Variants in THSD4 observed in about 807,000 individuals in gnomAD.
THSD4 encodes the protein thrombospondin type-1 domain-containing protein 4.
THSD4 carries 69 observed loss-of-function variants against 119.0 expected under a neutral mutation model. The ratio of observed to expected loss-of-function variants is 0.58; its 90% confidence interval spans 0.48 to 0.71. THSD4 has a LOEUF of 0.71. Ranked by LOEUF, THSD4 falls within the 30% of genes least tolerant of loss-of-function variation. The probability of loss-of-function intolerance (pLI) is 0.00; values close to 1 mark genes in which losing one functional copy is unlikely to be tolerated. For missense variants in THSD4, 1,393 were observed against 1,391.1 expected (o/e 1.00, Z -0.02); for synonymous variants, 524 against 540.4 (o/e 0.97, Z 0.42).
At chr15:71,331,030 C>T (rs1235682399) in intron 6 of THSD4, among the ~76,000 whole-genome samples, 5 of 152,144 alleles carry the variant, frequency 3.3e-5, no homozygotes, top group Admixed American at 6.5e-5. Context: ...GTAGACAGAG[C>T]GTTGAGCTCA....
chr15:71,745,209 C>G lies in THSD4; in HGVS notation c.2010C>G (p.Pro670=). The part of the protein sequence containing the change: ...SSMKPTPEEE[P]CNIFPCPAFW... The stretch of plus-strand genomic sequence containing the variant: ...TGAAGCCGACCCCCGAGGAGGAGCC[C>G]TGCAACATCTTCCCTTGCCCAGCCT... Residue 670 remains proline (P), a synonymous_variant, in exon 12 of 18, where the codon CCC becomes CCG. Transcript: ENST00000261862. 1 of 1,613,846 alleles carries G rather than the reference C, an allele frequency of 6.2e-7. No individual in the cohort carries two copies. Among genetic ancestry groups the G allele is most frequent in the Non-Finnish European group, 8.5e-7 (1 of 1,180,004 alleles).
At chr15:71,554,152 C>A (rs1472596778) in intron 7 of THSD4, among the ~76,000 whole-genome samples, 1 of 145,000 alleles carries the variant, frequency 6.9e-6, no homozygotes, top group African/African-American at 2.5e-5. Flanking sequence ...TGCAGTGGCA[C>A]GATCTCAGCT....
chr15:71,407,048 T>C (rs2046619095), intron 6 of THSD4, among the ~76,000 whole-genome samples: 1 of 152,170 alleles, frequency 6.6e-6, no homozygotes, highest in Non-Finnish European at 1.5e-5. Context: ...ATTGACTCTT[T>C]TATTATTATA....
intron 7 of THSD4, among the ~76,000 whole-genome samples, chr15:71,554,405 T>G (rs2140867269): frequency 6.6e-6 from 1 of 152,154 alleles, no homozygotes; most frequent in South Asian, 2.1e-4. Context: ...TTTTTTTGTT[T>G]GAGACAAGAT....
chr15:71,713,468 G>A (rs965732114), intron 8 of THSD4, among the ~76,000 whole-genome samples: 1 of 152,226 alleles, frequency 6.6e-6, no homozygotes, highest in East Asian at 1.9e-4. Flanking sequence ...TTCTGAAAAA[G>A]AGATATAGTG....
intron 1 of THSD4, among the ~76,000 whole-genome samples, chr15:71,127,596 T>TAA (rs1219889283): frequency 1.3e-5 from 2 of 152,228 alleles, no homozygotes; most frequent in Non-Finnish European, 1.5e-5. Context: ...ATCTTTTTGA[T>TAA]AATAGCCATT....
intron 5 of THSD4, among the ~76,000 whole-genome samples, chr15:71,251,416 G>C (rs1219359933): frequency 6.6e-6 from 1 of 152,150 alleles, no homozygotes; most frequent in African/African-American, 2.4e-5. Flanking sequence ...AAAACCCCTG[G>C]GGATTGGGGC....
chr15:71,337,846 A>G (rs2045508805), intron 6 of THSD4, among the ~76,000 whole-genome samples: 1 of 152,148 alleles, frequency 6.6e-6, no homozygotes, highest in South Asian at 2.1e-4. Context: ...GTAGGCAGAA[A>G]TGGGCAATTC....
chr15:71,685,810 T>G (rs1286498166), intron 8 of THSD4, among the ~76,000 whole-genome samples: 1 of 150,870 alleles, frequency 6.6e-6, no homozygotes, highest in Non-Finnish European at 1.5e-5. Context: ...CTTGTCATGT[T>G]CTTTATACTC....
At position 71,584,680 on chromosome 15, in the gene THSD4, T is replaced by G. The variant is rs114754030; in HGVS notation, c.1153-75850T>G. Among the ~76,000 whole-genome samples the G allele has an allele frequency of 7.9e-3, 1,197 of 152,338 alleles. 17 individuals carry two copies. The highest frequency in any genetic ancestry group is 0.025 in the African/African-American group (1,055 of 41,582). ...ATCCATTCAGCCATTCAATGTCTTT[T>G]GATTAGATAATTTAATCTATTTACT... is the stretch of plus-strand genomic sequence containing the variant. On this transcript the variant is annotated intron_variant, in intron 7 of 17. Coordinates refer to ENST00000261862, the MANE Select transcript of THSD4 (RefSeq NM_024817.3).
intron 6 of THSD4, among the ~76,000 whole-genome samples, chr15:71,408,855 C>T (rs1033377613): frequency 1.3e-5 from 2 of 152,000 alleles, no homozygotes; most frequent in Admixed American, 1.3e-4. Flanking sequence ...CTATCTCACA[C>T]AGACACAAGG....
intron 8 of THSD4, among the ~76,000 whole-genome samples, chr15:71,711,268 C>A (rs1051741375): frequency 6.6e-6 from 1 of 151,648 alleles, no homozygotes. Flanking sequence ...CACGGAAAAA[C>A]CGAAGGTACA....
rs928783581 is a variant in THSD4, at chr15:71,303,243, G to T, written c.1015+46528G>T. 2.0e-5 allele frequency among the ~76,000 whole-genome samples: 3 copies of T among 152,208 alleles called. No individual in the cohort carries two copies. In the East Asian group the frequency reaches 5.8e-4, roughly 29 times the overall value. Reference sequence around the variant, plus strand: ...AGGCATCACTAGCTCTGGGCGCCGCGCATTTGCCTGCTTCATCCAGGACAG... The same window carrying T: ...AGGCATCACTAGCTCTGGGCGCCGCTCATTTGCCTGCTTCATCCAGGACAG... On this transcript the variant is annotated intron_variant, in intron 6 of 17. Transcript: ENST00000261862.
At chr15:71,231,188 A>G (rs1055405445) in intron 4 of THSD4, among the ~76,000 whole-genome samples, 7 of 152,224 alleles carry the variant, frequency 4.6e-5, no homozygotes, top group African/African-American at 1.4e-4. Flanking sequence ...TTTCAAACAC[A>G]ATCTTAGAAG....
chr15:71,189,957 G>A (rs541394607), intron 3 of THSD4, among the ~76,000 whole-genome samples: 3 of 152,246 alleles, frequency 2.0e-5, no homozygotes, highest in East Asian at 1.9e-4. Context: ...TCCCGCCCAC[G>A]CACTGCTGGG....
At position 71,656,741 on chromosome 15, in the gene THSD4, T is replaced by C. The variant is rs543079252; in HGVS notation, c.1153-3789T>C. On this transcript the variant is annotated intron_variant, in intron 7 of 17. Coordinates refer to ENST00000261862, the MANE Select transcript of THSD4 (RefSeq NM_024817.3). The stretch of plus-strand genomic sequence containing the variant: ...TGCTTTAAATCCAAGCTCTATCTAT[T>C]ATTAGCATTTTAGCCTTGGGCAAAT... Among the ~76,000 whole-genome samples the C allele has an allele frequency of 2.1e-3, 313 of 152,346 alleles. 3 individuals carry two copies. The highest frequency in any genetic ancestry group is 6.9e-3 in the African/African-American group (287 of 41,582).
intron 7 of THSD4, among the ~76,000 whole-genome samples, chr15:71,598,261 G>A (rs1195902759): frequency 6.6e-6 from 1 of 152,142 alleles, no homozygotes; most frequent in Non-Finnish European, 1.5e-5. Flanking sequence ...AGTACTAAGG[G>A]CAGAAGGTAT....
At chr15:71,722,811 A>T (rs1387075244) in intron 8 of THSD4, among the ~76,000 whole-genome samples, 1 of 152,220 alleles carries the variant, frequency 6.6e-6, no homozygotes, top group Admixed American at 6.5e-5. Flanking sequence ...AAATGTTAAT[A>T]GTTTTGTGAC....
At chr15:71,135,392 C>CAAAAAAAAAAA (rs1170278742) in intron 1 of THSD4, among the ~76,000 whole-genome samples, 3 of 122,528 alleles carry the variant, frequency 2.4e-5, no homozygotes, top group African/African-American at 9.5e-5. Flanking sequence ...TACTAAATGA[C>CAAAAAAAAAAA]AAAAAAAAAA....
Sources: allele counts gnomAD v4.1 joint callset (sites outside exome capture counted in the v4.1 genomes callset), GRCh38; gene constraint gnomAD v4.1.1; transcripts MANE v1.5; gene names NCBI Gene and HGNC (gene_info 2026-07-23, HGNC 2026-07-21).